SLCO3A1: variants seen among roughly 807,000 people sequenced by gnomAD.
SLCO3A1 encodes the protein solute carrier organic anion transporter family member 3A1, also known as PGE1 transporter.
A neutral mutation model predicts 63.1 loss-of-function variants in SLCO3A1; 27 were observed. The observed-to-expected ratio is 0.43, with a 90% CI of 0.32 to 0.59. SLCO3A1 has a LOEUF of 0.59. SLCO3A1 is among the 20% of genes least tolerant of loss of function. The pLI, the probability that SLCO3A1 is intolerant of heterozygous loss-of-function variation, is 0.09. For synonymous variants in SLCO3A1, 473 were observed against 409.9 expected (o/e 1.15, Z -1.86); for missense variants, 773 against 945.8 (o/e 0.82, Z 2.40).
Position 91,950,618 on chromosome 15 carries a change from C to G in SLCO3A1, c.646+34160C>G, listed in dbSNP as rs1037232219. On this transcript the variant is annotated intron_variant, in intron 2 of 9. Coordinates refer to ENST00000318445, the MANE Select transcript of SLCO3A1 (RefSeq NM_013272.4). This position sits in a 1 kb window ranked among gnomAD's most constrained non-coding sequence, Gnocchi z 4.4. ...GGTTCCTAGTTCTTACCTAATTTCT[C>G]TTCAATTTCTCATGCACTGCATCTT... is the stretch of plus-strand genomic sequence containing the variant. Among the ~76,000 whole-genome samples the G allele has an allele frequency of 3.3e-5, 5 of 152,222 alleles. No homozygotes were observed. Among genetic ancestry groups the G allele is most frequent in the Admixed American group, 3.3e-4 (5 of 15,290 alleles).
At chr15:91,915,663 G>T (rs968726712) in intron 1 of SLCO3A1, among the ~76,000 whole-genome samples, 5 of 152,078 alleles carry the variant, frequency 3.3e-5, no homozygotes, top group African/African-American at 4.8e-5. Flanking sequence ...GTTTTCATGG[G>T]CTGTCTGTGG....
intron 7 of SLCO3A1, among the ~76,000 whole-genome samples, chr15:92,143,747 G>A (rs533720163): frequency 6.6e-6 from 1 of 151,430 alleles, no homozygotes; most frequent in South Asian, 2.1e-4. Flanking sequence ...AAAGGAGTTT[G>A]GAGCTGGAGC....
intron 5 of SLCO3A1, among the ~76,000 whole-genome samples, chr15:92,124,048 G>T (rs546338842): frequency 6.6e-6 from 1 of 152,286 alleles, no homozygotes; most frequent in East Asian, 1.9e-4. Flanking sequence ...CTGGCTGCAG[G>T]AGGGGCTGGC....
chr15:92,044,046 C>G lies in SLCO3A1; in HGVS notation c.647-50835C>G, dbSNP rs140504726. 7.8e-4 allele frequency among the ~76,000 whole-genome samples: 119 copies of G among 152,324 alleles called. 1 individual carries two copies. The highest frequency in any genetic ancestry group is 1.2e-4 in the Non-Finnish European group (8 of 68,028). ...TACTCCTTCCAGCTTCAGCCTGGTT[C>G]TCTCCTACTCTTGCCGTAACTGTAT... is the stretch of plus-strand genomic sequence containing the variant. On this transcript the variant is annotated intron_variant, in intron 2 of 9. Transcript: ENST00000318445.
At chr15:91,986,755 G>A (rs2046058797) in intron 2 of SLCO3A1, among the ~76,000 whole-genome samples, 2 of 152,176 alleles carry the variant, frequency 1.3e-5, no homozygotes, top group Admixed American at 1.3e-4. Context: ...ACTCTCCATA[G>A]CTATTTAATA....
In SLCO3A1 at chr15:91,863,246, C is replaced by G. The variant is rs760250518; in HGVS notation, c.180+9158C>G. On this transcript the variant is annotated intron_variant, in intron 1 of 9. Coordinates refer to ENST00000318445, the MANE Select transcript of SLCO3A1 (RefSeq NM_013272.4). This position sits in a 1 kb window ranked among gnomAD's most constrained non-coding sequence, Gnocchi z 4.3. Reference sequence around the variant, plus strand: ...GTTTAAAGTAGATCCACAGAGCCACCTAGAGCTGTCCCCCTGGAACTCAGC... The same window carrying G: ...GTTTAAAGTAGATCCACAGAGCCACGTAGAGCTGTCCCCCTGGAACTCAGC... 1.3e-5 allele frequency among the ~76,000 whole-genome samples: 2 copies of G among 152,340 alleles called. No individual in the cohort carries two copies. Among genetic ancestry groups the G allele is most frequent in the Non-Finnish European group, 2.9e-5 (2 of 68,038 alleles).
intron 2 of SLCO3A1, among the ~76,000 whole-genome samples, chr15:91,925,757 A>G (rs1327731770): frequency 6.6e-6 from 1 of 152,216 alleles, no homozygotes; most frequent in Non-Finnish European, 1.5e-5. Context: ...TGCCACATGC[A>G]GAGAACTTGC....
rs546803767 is a variant in SLCO3A1, at chr15:91,942,262, C to T, written c.646+25804C>T. ...ATCCAAAAATGTAGCAACTGCTGAA[C>T]CCCACAATGTCTGATCTATAGCAGG... On this transcript the variant is annotated intron_variant, in intron 2 of 9. Transcript: ENST00000318445. This position sits in a 1 kb window ranked among gnomAD's most constrained non-coding sequence, Gnocchi z 4.1. Among the ~76,000 whole-genome samples, 14 of 152,276 alleles carry T rather than the reference C, an allele frequency of 9.2e-5. No homozygotes were observed. Among genetic ancestry groups the T allele is most frequent in the Non-Finnish European group, 1.6e-4 (11 of 68,026 alleles).
chr15:92,060,962 A>G (rs971960141), intron 2 of SLCO3A1, among the ~76,000 whole-genome samples: 1 of 152,196 alleles, frequency 6.6e-6, no homozygotes, highest in African/African-American at 2.4e-5. Context: ...TTATGGGACC[A>G]CTGTCATTGT....
At chr15:92,093,478 A>G (rs2047501944) in intron 2 of SLCO3A1, among the ~76,000 whole-genome samples, 1 of 152,164 alleles carries the variant, frequency 6.6e-6, no homozygotes, top group African/African-American at 2.4e-5. Context: ...CACCTCCAAT[A>G]TTATGGATTA....
intron 2 of SLCO3A1, among the ~76,000 whole-genome samples, chr15:92,031,606 G>C (rs1397244241): frequency 6.6e-6 from 1 of 152,134 alleles, no homozygotes; most frequent in Non-Finnish European, 1.5e-5. Context: ...TCAGCACCTA[G>C]GGATGCCTTC....
At chr15:91,910,072 A>G (rs1227924332) in intron 1 of SLCO3A1, among the ~76,000 whole-genome samples, 2 of 152,186 alleles carry the variant, frequency 1.3e-5, no homozygotes, top group East Asian at 3.9e-4. Flanking sequence ...GGTTGTTTTT[A>G]TCTCAGACGA....
chr15:91,928,218 G>A (rs1899099602), intron 2 of SLCO3A1, among the ~76,000 whole-genome samples: 4 of 152,266 alleles, frequency 2.6e-5, no homozygotes, highest in African/African-American at 9.6e-5. Context: ...AGTTTGAATA[G>A]TGACCATAAT....
Position 92,126,222 on chromosome 15 carries a change from G to A in SLCO3A1, c.1336G>A (p.Gly446Ser). 6.2e-7 allele frequency: 1 copy of A among 1,614,024 alleles called. No individual in the cohort carries two copies. The highest frequency in any genetic ancestry group is 8.5e-7 in the Non-Finnish European group (1 of 1,179,996). ...CTTCCTCTTCCTGGGCTGCGACACT[G>A]GCCCTGTGGCTGGGGTTACTGTTCC... ...VSFLFLGCDT[G>S]PVAGVTVPYG... Residue 446 changes from glycine to serine, a missense_variant, in exon 6 of 10, where the codon GGC (glycine) becomes AGC (serine). Physicochemically the swap from Gly to Ser is moderately conservative, Grantham distance 56. Transcript: ENST00000318445.
intron 2 of SLCO3A1, among the ~76,000 whole-genome samples, chr15:91,926,596 T>TGTGTGTGTGCGCGCGCGCGCGCGCGC: frequency 1.9e-5 from 2 of 105,256 alleles, no homozygotes; most frequent in African/African-American, 7.3e-5. Context: ...TGTGTGTGTG[T>TGTGTGTGTGCGCGCGCGCGCGCGCGC]GCGCGCGCGC....
At chr15:92,019,163 C>T (rs16946262) in intron 2 of SLCO3A1, among the ~76,000 whole-genome samples, 5,938 of 152,224 alleles carry the variant, frequency 0.039, 419 homozygotes, top group African/African-American at 0.13. Flanking sequence ...TTGCCTCTCA[C>T]TTGTGCAGGC....
chr15:91,889,192 C>T (rs1897807687), intron 1 of SLCO3A1: 2 of 1,283,104 alleles, frequency 1.6e-6, no homozygotes, highest in African/African-American at 3.0e-5. Context: ...GAGATGCATG[C>T]TCCTTAGATG....
chr15:91,942,581 G>C lies in SLCO3A1; in HGVS notation c.646+26123G>C, dbSNP rs925940982. ...AGAACTCTGCTGGAAATGTATGTTTGTTTGTTTGTTTGTTTGTTTCGAGAC... is the reference window on the plus strand; with the variant it reads ...AGAACTCTGCTGGAAATGTATGTTTCTTTGTTTGTTTGTTTGTTTCGAGAC... On this transcript the variant is annotated intron_variant, in intron 2 of 9. Coordinates refer to ENST00000318445, the MANE Select transcript of SLCO3A1 (RefSeq NM_013272.4). The surrounding 1 kb of genome is among the most constrained non-coding windows in gnomAD (Gnocchi z 4.1). 6.6e-6 allele frequency among the ~76,000 whole-genome samples: 1 copy of C among 151,876 alleles called. No individual in the cohort carries two copies. Among genetic ancestry groups the C allele is most frequent in the Non-Finnish European group, 1.5e-5 (1 of 68,014 alleles).
At position 92,164,419 on chromosome 15, in the gene SLCO3A1, G is replaced by C; in HGVS notation, c.*1284G>C. 1.0e-6 allele frequency: 1 copy of C among 985,440 alleles called. No individual in the cohort carries two copies. The highest frequency in any genetic ancestry group is 4.7e-5 in the South Asian group (1 of 21,284). The allele number at this position is 985,440 out of a possible 1,614,324, so 61.0% of individuals were successfully genotyped here. A position where few individuals can be genotyped will look rare whatever the true frequency, so the allele number is the denominator to read the frequency against. ...TGATGAATTGCAAATTTGCCTTTTA[G>C]CTTCCTTCCCCATGATTCAGTGATC... On this transcript the variant is annotated 3_prime_UTR_variant, in exon 10 of 10. Coordinates refer to ENST00000318445, the MANE Select transcript of SLCO3A1 (RefSeq NM_013272.4).
Sources: allele counts gnomAD v4.1 joint callset (sites outside exome capture counted in the v4.1 genomes callset), GRCh38; gene constraint gnomAD v4.1.1; non-coding constraint Gnocchi (gnomAD v3.1); transcripts MANE v1.5; gene names NCBI Gene and HGNC (gene_info 2026-07-23, HGNC 2026-07-21).